The following CACNA1C variants were observed in gnomAD, a reference collection of about 807,000 sequenced individuals.
The protein encoded by CACNA1C is voltage-dependent L-type calcium channel subunit alpha-1C.
In CACNA1C, 30 loss-of-function variants were observed where a neutral mutation model predicts 229.0. The observed-to-expected ratio is 0.13, with a 90% confidence interval of 0.10 to 0.18. CACNA1C has a LOEUF of 0.18. Ranked by LOEUF, CACNA1C falls within the 10% of genes least tolerant of loss-of-function variation. The pLI, the probability that CACNA1C is intolerant of heterozygous loss-of-function variation, is 1.00. For missense variants in CACNA1C, 1,658 were observed against 2,845.0 expected, an observed-to-expected ratio of 0.58 and a Z score of 9.49; for synonymous variants, 1,114 against 1,132.5, an observed-to-expected ratio of 0.98 and a Z score of 0.33.
In CACNA1C at chr12:2,647,767, C is replaced by T. The variant is rs926919025; in HGVS notation, c.3913-708C>T. Among the ~76,000 whole-genome samples, 1 of 152,172 alleles carries T rather than the reference C, an allele frequency of 6.6e-6. No individual in the cohort carries two copies. Among genetic ancestry groups the T allele is most frequent in the Non-Finnish European group, 1.5e-5 (1 of 68,030 alleles). ...GCCTCTGTCCTTCAGCTGGCCCTGC[C>T]TGGGGTAAGCTAAAGTGCACAAAGC... On this transcript the variant is annotated intron_variant, in intron 30 of 46. Transcript: ENST00000399655. The surrounding 1 kb of genome is among the most constrained non-coding windows in gnomAD (Gnocchi z 4.2).
chr12:1,996,169 A>G (rs1180205748), intron 1 of CACNA1C, among the ~76,000 whole-genome samples: 5 of 152,044 alleles, frequency 3.3e-5, no homozygotes, highest in Non-Finnish European at 7.4e-5. Flanking sequence ...CCTGACTCCA[A>G]TTTCTTCCAG....
intron 1 of CACNA1C, among the ~76,000 whole-genome samples, chr12:2,073,973 AG>A (rs1350050689): frequency 1.3e-5 from 2 of 152,176 alleles, no homozygotes; most frequent in African/African-American, 4.8e-5. Flanking sequence ...GTGATGGATT[AG>A]TGATGTCTGC....
At chr12:2,523,978 G>A (rs1190124461) in intron 9 of CACNA1C, among the ~76,000 whole-genome samples, 1 of 152,238 alleles carries the variant, frequency 6.6e-6, no homozygotes, top group Non-Finnish European at 1.5e-5. Context: ...GAGGCTATCA[G>A]TGGAGGGGAG....
intron 3 of CACNA1C, among the ~76,000 whole-genome samples, chr12:2,263,552 C>T (rs1044370348): frequency 2.0e-5 from 3 of 151,610 alleles, no homozygotes; most frequent in African/African-American, 2.4e-5. Context: ...AGAAGTGTGA[C>T]GGTCAGTCAG....
chr12:2,018,549 G>A (rs2045825145), intron 1 of CACNA1C, among the ~76,000 whole-genome samples: 6 of 152,204 alleles, frequency 3.9e-5, no homozygotes, highest in Admixed American at 1.3e-4. Context: ...ACAGAGCAAG[G>A]AAAGCTGAAG....
intron 4 of CACNA1C, among the ~76,000 whole-genome samples, chr12:2,450,370 C>A (rs1971669): frequency 5.5e-4 from 83 of 151,128 alleles, no homozygotes; most frequent in Non-Finnish European, 6.8e-4. Context: ...CTGGCTAACA[C>A]GGTGAAACCC....
chr12:2,214,966 C>G (rs189913338), intron 3 of CACNA1C, among the ~76,000 whole-genome samples: 1 of 152,056 alleles, frequency 6.6e-6, no homozygotes, highest in East Asian at 1.9e-4. Flanking sequence ...CCCCACGTCC[C>G]CTTTCCCCCA....
intron 1 of CACNA1C, among the ~76,000 whole-genome samples, chr12:2,089,618 T>G (rs1047067939): frequency 3.3e-5 from 5 of 152,238 alleles, no homozygotes; most frequent in African/African-American, 9.6e-5. Context: ...ATTTTTTAAT[T>G]TTTAAAAACT....
intron 3 of CACNA1C, among the ~76,000 whole-genome samples, chr12:2,333,582 A>C (rs2096611867): frequency 6.6e-6 from 1 of 152,222 alleles, no homozygotes; most frequent in African/African-American, 2.4e-5. Context: ...TCCTTCCAGT[A>C]GCAGTGGATG....
rs748123544 is a variant in CACNA1C at position 2,511,925 on chromosome 12, A to G, written c.1218-887A>G. Among the ~76,000 whole-genome samples, 154 of 152,314 alleles carry G rather than the reference A, an allele frequency of 1.0e-3. 2 individuals are homozygous for G. The highest frequency in any genetic ancestry group is 2.9e-4 in the Non-Finnish European group (20 of 68,030). Reference sequence around the variant, plus strand: ...ATCAAATGCATCATTTAACTTTTATATCATCTTGATTTTATGTATTTTTCT... The same window carrying G: ...ATCAAATGCATCATTTAACTTTTATGTCATCTTGATTTTATGTATTTTTCT... On this transcript the variant is annotated intron_variant, in intron 8 of 46. Transcript: ENST00000399655.
chr12:2,309,477 C>CCA (rs1010284968), intron 3 of CACNA1C, among the ~76,000 whole-genome samples: 22 of 150,740 alleles, frequency 1.5e-4, no homozygotes, highest in African/African-American at 4.2e-4. Flanking sequence ...GCCTATGACA[C>CCA]CACACACACA....
intron 5 of CACNA1C, among the ~76,000 whole-genome samples, chr12:2,459,169 GTT>G (rs59909090): frequency 0.52 from 56,328 of 108,666 alleles, 9,674 homozygotes; most frequent in East Asian, 0.71. Context: ...TTTTGTGTGT[GTT>G]TTTTTTTTTT....
chr12:2,059,825 C>G (rs71454851), intron 1 of CACNA1C, among the ~76,000 whole-genome samples: 7,889 of 152,242 alleles, frequency 0.052, 290 homozygotes, highest in Non-Finnish European at 0.07. Context: ...TCTTCATCCT[C>G]CTGCCTGTAC....
rs185912366 is a variant in CACNA1C at position 2,215,560 on chromosome 12, G to A, written c.477+95130G>A. On this transcript the variant is annotated intron_variant, in intron 3 of 46. Coordinates refer to ENST00000399655, the MANE Select transcript of CACNA1C (RefSeq NM_000719.7). The surrounding 1 kb of genome is among the most constrained non-coding windows in gnomAD (Gnocchi z 5.0). ...TACCACAGTCCCTGTCCCCCACACC[G>A]TTAACACTTTTACATCAGCATTGCA... 3.4e-3 allele frequency among the ~76,000 whole-genome samples: 520 copies of A among 152,216 alleles called. 1 individual carries two copies. Among genetic ancestry groups the A allele is most frequent in the African/African-American group, 0.012 (484 of 41,540 alleles).
intron 1 of CACNA1C, among the ~76,000 whole-genome samples, chr12:2,092,596 G>A (rs2071718726): frequency 6.6e-6 from 1 of 152,210 alleles, no homozygotes; most frequent in Non-Finnish European, 1.5e-5. Flanking sequence ...AGGACAGTTG[G>A]CGTCCTTCAG....
chr12:2,140,684 A>G (rs1366517035), intron 3 of CACNA1C, among the ~76,000 whole-genome samples: 1 of 151,260 alleles, frequency 6.6e-6, no homozygotes, highest in Non-Finnish European at 1.5e-5. Context: ...AGACCATTTG[A>G]CTTCATATGA....
At position 2,310,719 on chromosome 12, in the gene CACNA1C, A is replaced by C. The variant is rs557955064; in HGVS notation, c.478-138257A>C. Among the ~76,000 whole-genome samples, 138 of 152,300 alleles carry C rather than the reference A, an allele frequency of 9.1e-4. 1 individual carries two copies. The highest frequency in any genetic ancestry group is 3.1e-3 in the African/African-American group (127 of 41,556). On this transcript the variant is annotated intron_variant, in intron 3 of 46. Transcript: ENST00000399655. Reference sequence around the variant, plus strand: ...GGCTTTCGACTCACAGGGTTCTTTCATTCTGTGGGCACCAGTTCTCTGGGC... The same window carrying C: ...GGCTTTCGACTCACAGGGTTCTTTCCTTCTGTGGGCACCAGTTCTCTGGGC...
chr12:2,109,512 A>C (rs2080768360), intron 1 of CACNA1C, among the ~76,000 whole-genome samples: 1 of 152,224 alleles, frequency 6.6e-6, no homozygotes, highest in Admixed American at 6.5e-5. Flanking sequence ...TCAGGAGTGC[A>C]TTGGACCGGG....
chr12:2,090,190 C>CT (rs566127982), intron 1 of CACNA1C, among the ~76,000 whole-genome samples: 199 of 152,084 alleles, frequency 1.3e-3, no homozygotes, highest in African/African-American at 4.4e-3. Flanking sequence ...GAATATTTGT[C>CT]CTTTGTGACT....
Sources: allele counts gnomAD v4.1 joint callset (sites outside exome capture counted in the v4.1 genomes callset), GRCh38; gene constraint gnomAD v4.1.1; non-coding constraint Gnocchi (gnomAD v3.1); transcripts MANE v1.5; gene names NCBI Gene and HGNC (gene_info 2026-07-23, HGNC 2026-07-21).